Variants in ANKMY2 observed in about 807,000 individuals in gnomAD.
ANKMY2 encodes the protein ankyrin repeat and MYND domain-containing protein 2.
ANKMY2 carries 36 observed loss-of-function variants against 50.4 expected under a neutral mutation model. That is an observed-to-expected ratio of 0.71 (90% CI 0.55 to 0.94). The LOEUF (loss-of-function observed/expected upper bound fraction) is 0.94. Ranked by LOEUF, ANKMY2 falls within the 40% of genes least tolerant of loss-of-function variation. The pLI is 0.00. For missense variants in ANKMY2, 565 were observed against 524.0 expected, an observed-to-expected ratio of 1.08 and a Z score of -0.76; for synonymous variants, 187 against 178.8, an observed-to-expected ratio of 1.05 and a Z score of -0.36.
chr7:16,632,273 C>G (rs1781600388), intron 2 of ANKMY2, among the ~76,000 whole-genome samples: 1 of 152,072 alleles, frequency 6.6e-6, no homozygotes, highest in Non-Finnish European at 1.5e-5. Context: ...ATACAATTTA[C>G]TCAATTAATT....
chr7:16,613,896 G>A lies in ANKMY2; in HGVS notation c.531+1848C>T, dbSNP rs148542290. Among the ~76,000 whole-genome samples the A allele has an allele frequency of 2.0e-3, 301 of 149,318 alleles. 6 individuals are homozygous for A. The East Asian group carries it at 0.047, about 24-fold the overall frequency. On this transcript the variant is annotated intron_variant, in intron 5 of 9. Coordinates refer to ENST00000306999, the MANE Select transcript of ANKMY2 (RefSeq NM_020319.3). ...GATCTGTACCACTGCACTCCAGGCT[G>A]GGCGACAGAGCAAGACCCTATCTCA...
intron 3 of ANKMY2, among the ~76,000 whole-genome samples, chr7:16,626,310 C>A (rs746968707): frequency 1.1e-4 from 17 of 152,086 alleles, no homozygotes; most frequent in Non-Finnish European, 1.6e-4. Context: ...ACAATATAAT[C>A]TTTTAAGACA....
At position 16,600,964 on chromosome 7, in the gene ANKMY2, A is replaced by T; in HGVS notation, c.1142-19T>A. On this transcript the variant is annotated intron_variant, in intron 9 of 9. Transcript: ENST00000306999. The stretch of plus-strand genomic sequence containing the variant: ...TTGCCGTCTGATTAAAAAAAGAAGA[A>T]GTTATTTTGTTCCTACCATGTGTCA... The T allele has an allele frequency of 6.4e-7, 1 of 1,563,500 alleles. No homozygotes were observed. Among genetic ancestry groups the T allele is most frequent in the Non-Finnish European group, 8.7e-7 (1 of 1,153,344 alleles).
rs575783764 is a variant in ANKMY2, at chr7:16,615,701, G to T, written c.531+43C>A. ...TAATAAAAGCAGTTTAAACTCTGAA[G>T]CAATATTTACATAAAAAGCAAATAC... is the stretch of plus-strand genomic sequence containing the variant. On this transcript the variant is annotated intron_variant, in intron 5 of 9. Coordinates refer to ENST00000306999, the MANE Select transcript of ANKMY2 (RefSeq NM_020319.3). 5.0e-6 allele frequency: 8 copies of T among 1,611,024 alleles called. No individual in the cohort carries two copies. The South Asian group carries it at 8.8e-5, about 18-fold the overall frequency.
At chr7:16,635,168 A>C (rs1168812981) in intron 2 of ANKMY2, among the ~76,000 whole-genome samples, 1 of 152,192 alleles carries the variant, frequency 6.6e-6, no homozygotes, top group Non-Finnish European at 1.5e-5. Context: ...ACAACAAAAA[A>C]AACTACTCAG....
rs893549203 is a variant in ANKMY2, at chr7:16,602,318, A to G, written c.1141+62T>C. On this transcript the variant is annotated intron_variant, in intron 9 of 9. Coordinates refer to ENST00000306999, the MANE Select transcript of ANKMY2 (RefSeq NM_020319.3). The stretch of plus-strand genomic sequence containing the variant: ...GAGAAGACGCAGTTTCAGTGTGTTA[A>G]GATCACCTATCATCTCTCTCTCCAC... 6 of 1,572,958 alleles carry G rather than the reference A, an allele frequency of 3.8e-6. No homozygotes were observed. In the Admixed American group the frequency reaches 5.5e-5, roughly 14 times the overall value.
At chr7:16,607,844 G>A (rs1019734742) in intron 7 of ANKMY2, among the ~76,000 whole-genome samples, 9 of 151,618 alleles carry the variant, frequency 5.9e-5, no homozygotes. Context: ...TAACAGAAGT[G>A]TAATTTTGTT....
chr7:16,616,302 T>C (rs552599211), intron 4 of ANKMY2, among the ~76,000 whole-genome samples: 3 of 152,296 alleles, frequency 2.0e-5, no homozygotes, highest in East Asian at 3.9e-4. Context: ...AAAATTTAAA[T>C]TTACTCCATA....
At chr7:16,635,482 C>A (rs915709192) in intron 2 of ANKMY2, among the ~76,000 whole-genome samples, 4 of 152,040 alleles carry the variant, frequency 2.6e-5, no homozygotes, top group African/African-American at 9.7e-5. Context: ...AATTTTACAC[C>A]TTAAATATGT....
intron 4 of ANKMY2, among the ~76,000 whole-genome samples, chr7:16,622,351 T>A (rs1781447308): frequency 6.6e-6 from 1 of 152,176 alleles, no homozygotes; most frequent in Admixed American, 6.5e-5. Context: ...TTTTTAACTA[T>A]CAGAGTGGCA....
chr7:16,630,940 A>G (rs1192523486), intron 2 of ANKMY2, among the ~76,000 whole-genome samples: 1 of 152,234 alleles, frequency 6.6e-6, no homozygotes, highest in African/African-American at 2.4e-5. Context: ...TTCAAGGATC[A>G]TCACAGAGGC....
chr7:16,609,646 A>G lies in ANKMY2; in HGVS notation c.866T>C (p.Ile289Thr), dbSNP rs778206872. 6.2e-7 allele frequency: 1 copy of G among 1,606,822 alleles called. No individual in the cohort carries two copies. The highest frequency in any genetic ancestry group is 8.5e-7 in the Non-Finnish European group (1 of 1,178,008). The change falls in exon 7 of 10, where the codon ATT becomes ACT. Residue 289 changes from isoleucine to threonine, a missense_variant. By Grantham distance (89) the Ile-to-Thr change is moderately conservative (BLOSUM62 -1). Coordinates refer to ENST00000306999, the MANE Select transcript of ANKMY2 (RefSeq NM_020319.3). ...ATLLQQLVRS[I>T]APVEIGSDPT... is the part of the protein sequence containing the mutation. ...GAGCCTTACAATTTCAACAGGAGCAATGCTTCGAACCAGCTGCTGGAGGAG... is the reference window on the plus strand; with the variant it reads ...GAGCCTTACAATTTCAACAGGAGCAGTGCTTCGAACCAGCTGCTGGAGGAG...
At chr7:16,627,889 T>C (rs929784058) in intron 2 of ANKMY2, among the ~76,000 whole-genome samples, 1 of 129,616 alleles carries the variant, frequency 7.7e-6, no homozygotes, top group Non-Finnish European at 1.8e-5. Flanking sequence ...ATTGTATAAA[T>C]ATAGAGAAAT....
chr7:16,603,356 A>G (rs1399785377), intron 8 of ANKMY2, among the ~76,000 whole-genome samples: 1 of 152,218 alleles, frequency 6.6e-6, no homozygotes. Context: ...AACTCACTCT[A>G]GCTGTGGTGA....
rs1270366994 is a variant in ANKMY2, at chr7:16,625,065, T to C, written c.288A>G (p.Thr96=). ...FAALSGNKDI[T]WVMLEAGAET... ...CAGCACCAGCTTCTAACATTACCCA[T>C]GTGATGTCTTTATTACCTAGAGTTT... Residue 96 remains threonine (T), a synonymous_variant, in exon 4 of 10, where the codon ACA becomes ACG. Coordinates refer to ENST00000306999, the MANE Select transcript of ANKMY2 (RefSeq NM_020319.3). 6.2e-7 allele frequency: 1 copy of C among 1,613,706 alleles called. No individual in the cohort carries two copies. The highest frequency in any genetic ancestry group is 8.5e-7 in the Non-Finnish European group (1 of 1,179,622).
intron 2 of ANKMY2, among the ~76,000 whole-genome samples, chr7:16,635,503 A>T (rs1781646339): frequency 6.6e-6 from 1 of 152,198 alleles, no homozygotes; most frequent in Admixed American, 6.5e-5. Flanking sequence ...ATAGCTTATT[A>T]TATATTAATT....
chr7:16,626,529 G>C (rs371867280), intron 3 of ANKMY2, among the ~76,000 whole-genome samples: 3 of 152,080 alleles, frequency 2.0e-5, no homozygotes, highest in East Asian at 1.9e-4. Context: ...TTTTCAAAGA[G>C]CTGCACCAAT....
intron 6 of ANKMY2, 63 bp downstream of exon 6, chr7:16,610,486 G>C: frequency 7.5e-7 from 1 of 1,327,942 alleles, no homozygotes; most frequent in Non-Finnish European, 1.0e-6. Context: ...TAATAATGAG[G>C]CTTCATATTA....
At chr7:16,602,289 T>G in intron 9 of ANKMY2, 91 bp downstream of exon 9, 2 of 1,480,354 alleles carry the variant, frequency 1.4e-6, no homozygotes, top group South Asian at 2.7e-5. Context: ...TCCTATGGCT[T>G]CCAGAGAAGA....
Sources: allele counts gnomAD v4.1 joint callset (sites outside exome capture counted in the v4.1 genomes callset), GRCh38; gene constraint gnomAD v4.1.1; transcripts MANE v1.5; gene names NCBI Gene and HGNC (gene_info 2026-07-23, HGNC 2026-07-21).